The following PPFIA2 variants were observed in gnomAD, a reference collection of about 807,000 sequenced individuals.
PPFIA2 encodes the protein PPFI scaffold protein A2.
A neutral mutation model predicts 175.5 loss-of-function variants in PPFIA2; 46 were observed. That is an observed-to-expected ratio of 0.26 (90% CI 0.21 to 0.34). The LOEUF is 0.34. Among genes scored for constraint, PPFIA2 ranks in the 10% least tolerant of loss-of-function variants. The pLI is 1.00. For missense variants in PPFIA2, 1,179 were observed against 1,506.1 expected, an observed-to-expected ratio of 0.78 and a Z score of 3.60; for synonymous variants, 568 against 511.4, an observed-to-expected ratio of 1.11 and a Z score of -1.49.
chr12:81,671,889 G>C (rs1596265332), intron 4 of PPFIA2, among the ~76,000 whole-genome samples: 1 of 149,056 alleles, frequency 6.7e-6, no homozygotes, highest in African/African-American at 2.4e-5. Flanking sequence ...TGCCTTGCTT[G>C]TTTCTCCAGC....
chr12:81,584,852 AAATAT>A (rs1486664784), intron 4 of PPFIA2, among the ~76,000 whole-genome samples: 3 of 123,624 alleles, frequency 2.4e-5, no homozygotes, highest in African/African-American at 6.2e-5. Context: ...TTATAATTAT[AAATAT>A]AATATAATTA....
At chr12:81,520,154 G>T (rs563791213) in intron 4 of PPFIA2, among the ~76,000 whole-genome samples, 1 of 152,308 alleles carries the variant, frequency 6.6e-6, no homozygotes, top group Non-Finnish European at 1.5e-5. Flanking sequence ...TATGTCAGAA[G>T]AAGGATCATC....
At chr12:81,744,534 T>C (rs1246102902) in intron 3 of PPFIA2, among the ~76,000 whole-genome samples, 4 of 151,834 alleles carry the variant, frequency 2.6e-5, no homozygotes, top group Admixed American at 2.0e-4. Context: ...GCGATTCTCC[T>C]GCTTCAGTCT....
At chr12:81,638,761 C>T (rs1388571175) in intron 4 of PPFIA2, among the ~76,000 whole-genome samples, 1 of 130,810 alleles carries the variant, frequency 7.6e-6, no homozygotes, top group Non-Finnish European at 1.6e-5. Flanking sequence ...GATCTCGGCT[C>T]ACTGCAAGCT....
intron 4 of PPFIA2, among the ~76,000 whole-genome samples, chr12:81,596,148 A>G (rs2153450470): frequency 6.6e-6 from 1 of 152,186 alleles, no homozygotes; most frequent in African/African-American, 2.4e-5. Flanking sequence ...AAAATCATTT[A>G]ATTCTTTATA....
chr12:81,343,659 T>C (rs571434692), intron 19 of PPFIA2, among the ~76,000 whole-genome samples: 6 of 152,208 alleles, frequency 3.9e-5, no homozygotes, highest in Admixed American at 1.3e-4. Flanking sequence ...TTTGAAATCT[T>C]TTTCATCTGA....
intron 4 of PPFIA2, among the ~76,000 whole-genome samples, chr12:81,515,832 AC>A (rs1166313770): frequency 6.6e-6 from 1 of 151,976 alleles, no homozygotes; most frequent in African/African-American, 2.4e-5. Flanking sequence ...TAAAACTTCT[AC>A]CCCAAATAGA....
chr12:81,735,410 A>G (rs2153646129), intron 3 of PPFIA2, among the ~76,000 whole-genome samples: 2 of 151,956 alleles, frequency 1.3e-5, no homozygotes, highest in East Asian at 3.9e-4. Flanking sequence ...TGAAATGTCT[A>G]TGCAAATTGT....
At chr12:81,447,830 C>A (rs1329289175) in intron 5 of PPFIA2, among the ~76,000 whole-genome samples, 1 of 152,096 alleles carries the variant, frequency 6.6e-6, no homozygotes, top group East Asian at 1.9e-4. Flanking sequence ...AATTTACATA[C>A]CTCATATAGT....
At chr12:81,464,951 A>T (rs935258509) in intron 4 of PPFIA2, among the ~76,000 whole-genome samples, 49 of 151,898 alleles carry the variant, frequency 3.2e-4, no homozygotes, top group African/African-American at 1.2e-3. Context: ...AGGAGGTTTA[A>T]TTGAGAAAAA....
intron 7 of PPFIA2, among the ~76,000 whole-genome samples, chr12:81,433,439 C>A (rs553208541): frequency 6.6e-6 from 1 of 152,230 alleles, no homozygotes; most frequent in Admixed American, 6.5e-5. Flanking sequence ...GTTAGTTATA[C>A]GTGTATACGT....
At chr12:81,596,144 AT>A (rs1461386126) in intron 4 of PPFIA2, among the ~76,000 whole-genome samples, 3 of 152,114 alleles carry the variant, frequency 2.0e-5, no homozygotes, top group Admixed American at 2.0e-4. Context: ...TAAGAAAATC[AT>A]TTAATTCTTT....
chr12:81,550,153 C>T (rs1489878668), intron 4 of PPFIA2, among the ~76,000 whole-genome samples: 1 of 151,876 alleles, frequency 6.6e-6, no homozygotes, highest in Non-Finnish European at 1.5e-5. Flanking sequence ...CCTTTCGAAA[C>T]TCTGTCTACC....
At chr12:81,669,897 T>C (rs1178123457) in intron 4 of PPFIA2, among the ~76,000 whole-genome samples, 1 of 151,992 alleles carries the variant, frequency 6.6e-6, no homozygotes, top group East Asian at 1.9e-4. Flanking sequence ...AAATGTAACA[T>C]ATTGCAATTT....
chr12:81,268,834 A>G (rs2038221106), intron 28 of PPFIA2, among the ~76,000 whole-genome samples: 1 of 152,218 alleles, frequency 6.6e-6, no homozygotes, highest in Non-Finnish European at 1.5e-5. Flanking sequence ...ACCACTACCT[A>G]AACATTGGCA....
intron 15 of PPFIA2, among the ~76,000 whole-genome samples, chr12:81,360,872 G>T (rs2029867548): frequency 6.6e-6 from 1 of 151,476 alleles, no homozygotes; most frequent in Non-Finnish European, 1.5e-5. Flanking sequence ...CCTACTGCTT[G>T]TCTTATTTTA....
intron 22 of PPFIA2, among the ~76,000 whole-genome samples, chr12:81,308,536 T>G (rs1008817036): frequency 2.6e-5 from 4 of 152,138 alleles, no homozygotes; most frequent in Non-Finnish European, 4.4e-5. Context: ...TTTCTGAAAT[T>G]TTTCATAACT....
chr12:81,586,812 A>C (rs1459686886), intron 4 of PPFIA2, among the ~76,000 whole-genome samples: 1 of 151,920 alleles, frequency 6.6e-6, no homozygotes, highest in Non-Finnish European at 1.5e-5. Context: ...GTGCTCACTT[A>C]ACATTACATT....
At chr12:81,746,795 T>G (rs1267492894) in intron 3 of PPFIA2, among the ~76,000 whole-genome samples, 1 of 143,302 alleles carries the variant, frequency 7.0e-6, no homozygotes, top group Non-Finnish European at 1.6e-5. Flanking sequence ...CTGGAGAATG[T>G]AAGTAAATGA....
Sources: gnomAD v4.1 joint callset for allele counts (sites outside exome capture counted in the v4.1 genomes callset) on GRCh38, gnomAD v4.1.1 for gene constraint, MANE v1.5 for transcripts, NCBI Gene and HGNC (gene_info 2026-07-23, HGNC 2026-07-21) for gene names.